Variants in MAML3 observed in about 807,000 individuals in gnomAD.
The protein encoded by MAML3 is mastermind like transcriptional coactivator 3.
In MAML3, 27 loss-of-function variants were observed where a neutral mutation model predicts 101.9. The ratio of observed to expected loss-of-function variants is 0.27; its 90% CI spans 0.20 to 0.37. The LOEUF (loss-of-function observed/expected upper bound fraction) is 0.37. MAML3 is among the 10% of genes least tolerant of loss of function. MAML3 has a pLI of 1.00. For missense variants in MAML3, 1,316 were observed against 1,444.9 expected (o/e 0.91, Z 1.45); for synonymous variants, 501 against 555.9 (o/e 0.90, Z 1.39).
At chr4:140,152,798 GCCC>G in intron 1 of MAML3, 59 bp downstream of exon 1, 2 of 1,555,828 alleles carry the variant, frequency 1.3e-6, no homozygotes, top group South Asian at 1.2e-5. Context: ...AGCTCCACGC[GCCC>G]CCCACCACCA....
rs1351393689 is a variant in MAML3 at position 139,717,110 on chromosome 4, T to C, written c.*2213A>G. On this transcript the variant is annotated 3_prime_UTR_variant, in exon 5 of 5. Transcript: ENST00000509479. ...ATATCTGCAGTATTGTAAAAACTTA[T>C]GTACAAATAACTTTTTTTAGACATT... 2.6e-5 allele frequency: 4 copies of C among 152,478 alleles called. No homozygotes were observed. Among genetic ancestry groups the C allele is most frequent in the Non-Finnish European group, 5.9e-5 (4 of 67,994 alleles). 9.4% of individuals were successfully genotyped at this position (152,478 alleles called of 1,614,324 possible). A position where few individuals can be genotyped will look rare whatever the true frequency, so the allele number is the denominator to read the frequency against.
At chr4:140,118,357 T>C (rs1297040339) in intron 1 of MAML3, among the ~76,000 whole-genome samples, 1 of 152,044 alleles carries the variant, frequency 6.6e-6, no homozygotes, top group Non-Finnish European at 1.5e-5. Flanking sequence ...TCTCATTAGG[T>C]TGAAGATTAA....
intron 1 of MAML3, among the ~76,000 whole-genome samples, chr4:139,988,617 G>A (rs1382707950): frequency 1.3e-5 from 2 of 152,106 alleles, no homozygotes; most frequent in Admixed American, 6.6e-5. Flanking sequence ...TTGTCCCATC[G>A]TAAACTTATA....
chr4:139,723,888 C>A (rs898946204), intron 4 of MAML3, among the ~76,000 whole-genome samples: 2 of 152,158 alleles, frequency 1.3e-5, no homozygotes, highest in Non-Finnish European at 2.9e-5. Flanking sequence ...TCTCAAGCCC[C>A]GCTTCAGATT....
chr4:140,022,180 G>T (rs990263335), intron 1 of MAML3, among the ~76,000 whole-genome samples: 2 of 152,174 alleles, frequency 1.3e-5, no homozygotes, highest in African/African-American at 2.4e-5. Flanking sequence ...ATTCTATGAT[G>T]TGTGAAACCA....
intron 2 of MAML3, among the ~76,000 whole-genome samples, chr4:139,801,682 C>G (rs867790633): frequency 0.011 from 935 of 85,990 alleles, 5 homozygotes; most frequent in African/African-American, 0.019. Flanking sequence ...GTGTGTGTGT[C>G]TGTGTGTGTG....
chr4:140,097,868 A>T (rs1305088902), intron 1 of MAML3, among the ~76,000 whole-genome samples: 1 of 152,206 alleles, frequency 6.6e-6, no homozygotes, highest in Non-Finnish European at 1.5e-5. Context: ...AATATTTCCA[A>T]ACTGGCATAG....
chr4:139,810,963 C>T (rs1219492476), intron 2 of MAML3, among the ~76,000 whole-genome samples: 1 of 152,134 alleles, frequency 6.6e-6, no homozygotes, highest in Non-Finnish European at 1.5e-5. Context: ...TTGTTTTCTT[C>T]ATTTTCCTCT....
At chr4:139,731,550 G>GA (rs373956747) in intron 2 of MAML3, 4 of 153,184 alleles carry the variant, frequency 2.6e-5, no homozygotes, top group African/African-American at 9.6e-5. Flanking sequence ...CCGGGAGGCG[G>GA]AGGTTGCAGT....
At chr4:139,756,575 G>A (rs1381556896) in intron 2 of MAML3, among the ~76,000 whole-genome samples, 1 of 152,184 alleles carries the variant, frequency 6.6e-6, no homozygotes, top group African/African-American at 2.4e-5. Flanking sequence ...CCTTGGAGAA[G>A]TTGGTGTGCA....
intron 3 of MAML3, among the ~76,000 whole-genome samples, chr4:139,726,336 A>G (rs1021622943): frequency 2.0e-5 from 3 of 152,188 alleles, no homozygotes; most frequent in African/African-American, 7.2e-5. Flanking sequence ...TACCCATTCT[A>G]CTAGTGATGT....
chr4:140,056,467 C>T (rs112820501), intron 1 of MAML3, among the ~76,000 whole-genome samples: 5 of 151,750 alleles, frequency 3.3e-5, no homozygotes, highest in African/African-American at 1.2e-4. Flanking sequence ...AAAAGATTCT[C>T]CTGCCTCAGC....
chr4:140,055,948 T>C (rs529109451), intron 1 of MAML3, among the ~76,000 whole-genome samples: 39 of 150,744 alleles, frequency 2.6e-4, no homozygotes, highest in African/African-American at 9.0e-4. Flanking sequence ...GAACTGATGA[T>C]AGGAGAGAAA....
In MAML3 at chr4:139,766,854, C is replaced by T. The variant is rs1030378015; in HGVS notation, c.2080-36187G>A. On this transcript the variant is annotated intron_variant, in intron 2 of 4. Coordinates refer to ENST00000509479, the MANE Select transcript of MAML3 (RefSeq NM_018717.5). The stretch of plus-strand genomic sequence containing the variant: ...TGCGCCATCTCCCTGCAGACCAGCT[C>T]TGCAGGCACGGCCATGGGGGCCAGT... Among the ~76,000 whole-genome samples the T allele has an allele frequency of 7.9e-5, 12 of 152,266 alleles. 1 individual carries two copies. The highest frequency in any genetic ancestry group is 2.9e-4 in the African/African-American group (12 of 41,478).
intron 1 of MAML3, among the ~76,000 whole-genome samples, chr4:139,994,653 C>T (rs1734768362): frequency 6.6e-6 from 1 of 152,066 alleles, no homozygotes; most frequent in Admixed American, 6.5e-5. Flanking sequence ...GAGAGACACC[C>T]AGTCTCTAAA....
chr4:139,753,488 A>T (rs368622515), intron 2 of MAML3, among the ~76,000 whole-genome samples: 287 of 152,348 alleles, frequency 1.9e-3, no homozygotes, highest in African/African-American at 6.4e-3. Context: ...ACAGAAAAAA[A>T]TTAAAGATGA....
chr4:139,965,958 A>C (rs939081731), intron 1 of MAML3, among the ~76,000 whole-genome samples: 1 of 152,222 alleles, frequency 6.6e-6, no homozygotes, highest in African/African-American at 2.4e-5. Flanking sequence ...GGCACTGGTG[A>C]AAAACTATCT....
chr4:140,152,664 A>G (rs1729195635), intron 1 of MAML3, among the ~76,000 whole-genome samples, 196 bp downstream of exon 1: 1 of 151,894 alleles, frequency 6.6e-6, no homozygotes, highest in Non-Finnish European at 1.5e-5. Flanking sequence ...AAATCTGACA[A>G]CCCTGACAGA....
chr4:140,007,790 C>T (rs1168888539), intron 1 of MAML3, among the ~76,000 whole-genome samples: 1 of 152,174 alleles, frequency 6.6e-6, no homozygotes, highest in Non-Finnish European at 1.5e-5. Flanking sequence ...CCACACCATC[C>T]TGAAGAAGCC....
Sources: allele counts gnomAD v4.1 joint callset (sites outside exome capture counted in the v4.1 genomes callset), GRCh38; gene constraint gnomAD v4.1.1; transcripts MANE v1.5; gene names NCBI Gene and HGNC (gene_info 2026-07-23, HGNC 2026-07-21).